Variants in ALOX5 observed in about 807,000 individuals in gnomAD.
ALOX5 encodes polyunsaturated fatty acid 5-lipoxygenase.
A neutral mutation model predicts 87.9 loss-of-function variants in ALOX5; 64 were observed. That is an observed-to-expected ratio of 0.73 (90% CI 0.60 to 0.90). The LOEUF is 0.90. Among genes scored for constraint, ALOX5 ranks in the 40% least tolerant of loss-of-function variants. The probability of loss-of-function intolerance (pLI) is 0.00; values close to 1 mark genes in which losing one functional copy is unlikely to be tolerated. For synonymous variants in ALOX5, 388 were observed against 355.1 expected, an observed-to-expected ratio of 1.09 and a Z score of -1.04; for missense variants, 822 against 907.5, an observed-to-expected ratio of 0.91 and a Z score of 1.21.
chr10:45,430,494 A>G (rs1335502043), intron 7 of ALOX5, among the ~76,000 whole-genome samples: 1 of 152,178 alleles, frequency 6.6e-6, no homozygotes, highest in East Asian at 1.9e-4. Context: ...GCCAGGCACC[A>G]TGGTGGTACA....
intron 7 of ALOX5, 33 bp from the exon 8 acceptor site, chr10:45,440,374 CAACTATACTCTGAAGTGAAATAT>C (rs1842189363): frequency 6.4e-7 from 1 of 1,562,886 alleles, no homozygotes. Context: ...AGTTCTCCAA[CAACTATACTCTGAAGTGAAATAT>C]AGCAGTGTGT....
chr10:45,397,199 G>A (rs999551054), intron 3 of ALOX5, among the ~76,000 whole-genome samples: 1 of 152,128 alleles, frequency 6.6e-6, no homozygotes, highest in African/African-American at 2.4e-5. Flanking sequence ...TGGCCAACAT[G>A]GTGAAACCCC....
At chr10:45,396,296 G>C (rs1425342409) in intron 3 of ALOX5, among the ~76,000 whole-genome samples, 1 of 152,008 alleles carries the variant, frequency 6.6e-6, no homozygotes, top group Non-Finnish European at 1.5e-5. Flanking sequence ...CAATAAAATT[G>C]ACAACTCTTC....
At chr10:45,441,516 A>T in intron 9 of ALOX5, 86 bp downstream of exon 9, 2 of 1,374,964 alleles carry the variant, frequency 1.5e-6, no homozygotes, top group Non-Finnish European at 2.0e-6. Context: ...ACACCCTTTC[A>T]GGAGGCCTGG....
At chr10:45,403,486 G>C (rs745741425) in intron 3 of ALOX5, among the ~76,000 whole-genome samples, 7 of 152,194 alleles carry the variant, frequency 4.6e-5, no homozygotes, top group Non-Finnish European at 1.0e-4. Flanking sequence ...GGTTGATTGG[G>C]AAAGGTGGGG....
At chr10:45,434,947 T>C (rs1842016595) in intron 7 of ALOX5, among the ~76,000 whole-genome samples, 1 of 152,244 alleles carries the variant, frequency 6.6e-6, no homozygotes, top group Non-Finnish European at 1.5e-5. Context: ...AGATTTCTTT[T>C]TACGATAAGC....
rs777581638 is a variant in ALOX5 at position 45,441,714 on chromosome 10, C to G, written c.1272+284C>G. The G allele has an allele frequency of 1.1e-3, 476 of 450,186 alleles. 2 individuals carry two copies. The highest frequency in any genetic ancestry group is 1.5e-3 in the Non-Finnish European group (376 of 252,562). The allele number at this position is 450,186 out of a possible 1,614,324, so 27.9% of individuals were successfully genotyped here. A position where few individuals can be genotyped will look rare whatever the true frequency, so the allele number is the denominator to read the frequency against. ...CTCTGGGACCTGGGTGTAGACCCCC[C>G]TCTGGAACACACTCCTTATGGCCCC... On this transcript the variant is annotated intron_variant, in intron 9 of 13. Coordinates refer to ENST00000374391, the MANE Select transcript of ALOX5 (RefSeq NM_000698.5).
At chr10:45,436,396 A>G (rs919656557) in intron 7 of ALOX5, among the ~76,000 whole-genome samples, 4 of 152,186 alleles carry the variant, frequency 2.6e-5, no homozygotes, top group Admixed American at 2.6e-4. Context: ...CTTACATTTA[A>G]GTCTGTAATC....
intron 3 of ALOX5, among the ~76,000 whole-genome samples, chr10:45,404,011 G>A (rs1231713759): frequency 6.6e-6 from 1 of 152,234 alleles, no homozygotes; most frequent in Non-Finnish European, 1.5e-5. Context: ...TAACACTTTA[G>A]TATGAATTAG....
rs773894014 is a variant in ALOX5, at chr10:45,382,474, C to T, written c.151-9C>T. 9 of 1,614,052 alleles carry T rather than the reference C, an allele frequency of 5.6e-6. No homozygotes were observed. The South Asian group carries it at 7.7e-5, about 14-fold the overall frequency. ...CACGCATGGCCTGATTGCCTGTTCT[C>T]CTTCCCAGGTGGATTCATACGACGT... On this transcript the variant is annotated splice_polypyrimidine_tract_variant and intron_variant, in intron 1 of 13. Transcript: ENST00000374391.
intron 4 of ALOX5, among the ~76,000 whole-genome samples, chr10:45,416,581 A>G (rs986892042): frequency 2.0e-5 from 3 of 152,164 alleles, no homozygotes; most frequent in Non-Finnish European, 4.4e-5. Flanking sequence ...TTTGGAGGGA[A>G]TAATAAGGAT....
rs143241158 is a variant in ALOX5, at chr10:45,383,023, C to G, written c.349+342C>G. ...GACATGCCCCTGGATGGGCACTTCT[C>G]TAGTTGCCAGGGTGTGGCATCACTT... On this transcript the variant is annotated intron_variant, in intron 2 of 13. Transcript: ENST00000374391. 1.2e-4 allele frequency among the ~76,000 whole-genome samples: 19 copies of G among 152,388 alleles called. 1 individual carries two copies. The East Asian group carries it at 3.7e-3, about 29-fold the overall frequency.
In ALOX5 at chr10:45,428,618, C is replaced by T. The variant is rs1368020976; in HGVS notation, c.835C>T (p.Gln279Ter). Residue 279 changes from glutamine (Q) to a stop codon, truncating the protein, a stop_gained and splice_region_variant, in exon 7 of 14, where the codon CAA (glutamine) becomes TAA (stop). Transcript: ENST00000374391. LOFTEE classifies it high-confidence loss of function. ...RQLSLEQEVQQGNIFIVDFEL... is the reference protein window; with the variant it reads ...RQLSLEQEVQ The stretch of plus-strand genomic sequence containing the variant: ...GGACACATCTCTCTGCCTCCTGCAG[C>T]AAGGGAACATTTTCATCGTGGACTT... 1.9e-6 allele frequency: 3 copies of T among 1,614,100 alleles called. No homozygotes were observed. Among genetic ancestry groups the T allele is most frequent in the South Asian group, 1.1e-5 (1 of 91,076 alleles).
At chr10:45,376,084 G>A (rs1170804305) in intron 1 of ALOX5, among the ~76,000 whole-genome samples, 2 of 152,144 alleles carry the variant, frequency 1.3e-5, no homozygotes, top group African/African-American at 2.4e-5. Flanking sequence ...TGCACAGCAC[G>A]GGCACCCCGT....
At chr10:45,406,104 C>A (rs540596416) in intron 3 of ALOX5, among the ~76,000 whole-genome samples, 4 of 152,142 alleles carry the variant, frequency 2.6e-5, no homozygotes, top group Non-Finnish European at 5.9e-5. Context: ...GGCACTTTCT[C>A]CAGTCCTGTG....
chr10:45,395,841 T>C lies in ALOX5; in HGVS notation c.350-14T>C. 1 of 1,613,544 alleles carries C rather than the reference T, an allele frequency of 6.2e-7. No individual in the cohort carries two copies. The highest frequency in any genetic ancestry group is 8.5e-7 in the Non-Finnish European group (1 of 1,179,420). ...TCTTCCTCAGGCTCCTCTCATGTTG[T>C]TCTTTCTTTACAGCAAAGTTGGCCC... On this transcript the variant is annotated splice_polypyrimidine_tract_variant and intron_variant, in intron 2 of 13. Transcript: ENST00000374391.
intron 1 of ALOX5, among the ~76,000 whole-genome samples, chr10:45,375,208 C>T (rs1224402963): frequency 6.6e-6 from 1 of 152,194 alleles, no homozygotes; most frequent in Non-Finnish European, 1.5e-5. Context: ...GAATGTACAC[C>T]AGGGAACACT....
rs759026645 is a variant in ALOX5, at chr10:45,382,475, C to A, written c.151-8C>A. The A allele has an allele frequency of 1.9e-6, 3 of 1,614,074 alleles. No homozygotes were observed. Among genetic ancestry groups the A allele is most frequent in the African/African-American group, 2.7e-5 (2 of 74,934 alleles). On this transcript the variant is annotated splice_region_variant and splice_polypyrimidine_tract_variant and intron_variant, in intron 1 of 13. Coordinates refer to ENST00000374391, the MANE Select transcript of ALOX5 (RefSeq NM_000698.5). ...ACGCATGGCCTGATTGCCTGTTCTC[C>A]TTCCCAGGTGGATTCATACGACGTG... is the stretch of plus-strand genomic sequence containing the variant.
intron 9 of ALOX5, chr10:45,442,654 T>G: frequency 5.0e-6 from 1 of 199,644 alleles, no homozygotes; most frequent in Non-Finnish European, 1.0e-5. Context: ...AAACTGAGGG[T>G]CACTGAGAGC....
Sources: gnomAD v4.1 joint callset for allele counts (sites outside exome capture counted in the v4.1 genomes callset) on GRCh38, gnomAD v4.1.1 for gene constraint, MANE v1.5 for transcripts, NCBI Gene and HGNC (gene_info 2026-07-23, HGNC 2026-07-21) for gene names.